IQCK: variants seen among roughly 807,000 people sequenced by gnomAD.
IQCK encodes the protein IQ motif containing K, also known as IQ domain-containing protein K.
IQCK carries 29 observed loss-of-function variants against 28.1 expected under a neutral mutation model. The observed-to-expected ratio is 1.03, with a 90% confidence interval of 0.77 to 1.41. The LOEUF is 1.41. Ranked by LOEUF, IQCK falls within the 40% of genes most tolerant of loss-of-function variation. The probability of loss-of-function intolerance (pLI) is 0.00; values close to 1 mark genes in which losing one functional copy is unlikely to be tolerated. For synonymous variants in IQCK, 113 were observed against 115.1 expected (o/e 0.98, Z 0.12); for missense variants, 359 against 314.7 (o/e 1.14, Z -1.07).
chr16:19,806,697 C>T (rs1166872618), intron 7 of IQCK, among the ~76,000 whole-genome samples: 1 of 116,862 alleles, frequency 8.6e-6, no homozygotes, highest in East Asian at 3.1e-4. Flanking sequence ...TCAAACCACT[C>T]CCCACCCCCC....
At chr16:19,753,318 C>A (rs2055011966) in intron 4 of IQCK, among the ~76,000 whole-genome samples, 1 of 151,986 alleles carries the variant, frequency 6.6e-6, no homozygotes, top group Admixed American at 6.6e-5. Flanking sequence ...CCTAGCTACT[C>A]AGGAAGCTGA....
At chr16:19,746,228 G>C (rs1488846449) in intron 4 of IQCK, among the ~76,000 whole-genome samples, 1 of 149,864 alleles carries the variant, frequency 6.7e-6, no homozygotes, top group East Asian at 2.0e-4. Flanking sequence ...GTACGTCGTA[G>C]ATATATATAT....
chr16:19,752,517 CCATT>C (rs1194106502), intron 4 of IQCK, among the ~76,000 whole-genome samples: 1 of 152,108 alleles, frequency 6.6e-6, no homozygotes, highest in Non-Finnish European at 1.5e-5. Context: ...GCAGAAAACC[CCATT>C]CAAACTGTCC....
chr16:19,827,561 C>T (rs12445679), downstream of IQCK, among the ~76,000 whole-genome samples: 6 of 152,048 alleles, frequency 3.9e-5, no homozygotes, highest in Non-Finnish European at 7.4e-5. Flanking sequence ...TCAACTTGAC[C>T]GGGCTGTGAG....
At chr16:19,815,230 G>C (rs921018583) in intron 7 of IQCK, among the ~76,000 whole-genome samples, 3 of 152,198 alleles carry the variant, frequency 2.0e-5, no homozygotes, top group Admixed American at 1.3e-4. Context: ...TGCTGCTCTA[G>C]AACACACTTC....
chr16:19,815,575 G>A lies in IQCK; in HGVS notation c.691-11451G>A, dbSNP rs1164776529. 3.3e-5 allele frequency among the ~76,000 whole-genome samples: 5 copies of A among 152,196 alleles called. No homozygotes were observed. The South Asian group carries it at 1.0e-3, about 31-fold the overall frequency. Reference sequence around the variant, plus strand: ...AGTACCAGCTAGATGGGAGGCTGAGGTGGGAGGATCCCTTGAGCCCGGGAG... The same window carrying A: ...AGTACCAGCTAGATGGGAGGCTGAGATGGGAGGATCCCTTGAGCCCGGGAG... On this transcript the variant is annotated intron_variant, in intron 7 of 7. Coordinates refer to ENST00000564186, the Ensembl canonical transcript of IQCK.
chr16:19,776,805 A>G (rs2055402505), intron 6 of IQCK, among the ~76,000 whole-genome samples: 1 of 152,192 alleles, frequency 6.6e-6, no homozygotes. Flanking sequence ...ACAGGGGTAG[A>G]TGATGTCATA....
At chr16:19,779,614 ACTCT>A (rs1258903630) in intron 6 of IQCK, among the ~76,000 whole-genome samples, 1 of 150,856 alleles carries the variant, frequency 6.6e-6, no homozygotes, top group African/African-American at 2.4e-5. Flanking sequence ...CTTTCTGGTC[ACTCT>A]CTCTTTTTAG....
chr16:19,768,802 A>G (rs1184685108), intron 6 of IQCK, among the ~76,000 whole-genome samples: 8 of 152,190 alleles, frequency 5.3e-5, no homozygotes, highest in African/African-American at 1.9e-4. Flanking sequence ...TGATCCTATG[A>G]TCTTGGGCAA....
chr16:19,827,612 G>C (rs1262175578), downstream of IQCK, among the ~76,000 whole-genome samples: 1 of 152,014 alleles, frequency 6.6e-6, no homozygotes, highest in Non-Finnish European at 1.5e-5. Flanking sequence ...GTCTGTCAAG[G>C]TGTTTCCAGA....
intron 7 of IQCK, among the ~76,000 whole-genome samples, chr16:19,810,036 A>G (rs2055882992): frequency 6.6e-6 from 1 of 152,178 alleles, no homozygotes; most frequent in Admixed American, 6.5e-5. Context: ...GGTACGACTC[A>G]GCCTTCAGTG....
intron 4 of IQCK, among the ~76,000 whole-genome samples, chr16:19,757,555 C>A (rs906273656): frequency 6.6e-6 from 1 of 152,142 alleles, no homozygotes; most frequent in South Asian, 2.1e-4. Flanking sequence ...TATGCCTACG[C>A]CTGTAATCCT....
chr16:19,809,556 G>A (rs2055876149), intron 7 of IQCK, among the ~76,000 whole-genome samples: 1 of 152,164 alleles, frequency 6.6e-6, no homozygotes, highest in African/African-American at 2.4e-5. Context: ...CAAGCCTTCT[G>A]GAAGTTGCAC....
At chr16:19,768,833 G>T (rs557180157) in intron 6 of IQCK, among the ~76,000 whole-genome samples, 1 of 152,166 alleles carries the variant, frequency 6.6e-6, no homozygotes, top group Non-Finnish European at 1.5e-5. Context: ...ATCTATTACT[G>T]TGTAACAAAT....
chr16:19,719,602 A>AG (rs1555513007), intron 1 of IQCK, among the ~76,000 whole-genome samples: 3 of 151,126 alleles, frequency 2.0e-5, no homozygotes, highest in African/African-American at 7.3e-5. Context: ...AAAAAAAAAA[A>AG]GTGTGGTTAG....
chr16:19,719,979 T>C (rs997253049), intron 1 of IQCK, among the ~76,000 whole-genome samples: 7 of 152,116 alleles, frequency 4.6e-5, no homozygotes, highest in Admixed American at 4.6e-4. Context: ...AGCCCAGACT[T>C]AATTTTAATA....
intron 6 of IQCK, among the ~76,000 whole-genome samples, chr16:19,769,073 T>TGGAGA (rs2055282430): frequency 1.3e-5 from 2 of 152,152 alleles, no homozygotes; most frequent in Admixed American, 1.3e-4. Context: ...CCTTAAGTTT[T>TGGAGA]CCCCATCTGG....
At chr16:19,766,130 G>A (rs964953935) in intron 6 of IQCK, 11 of 152,176 alleles carry the variant, frequency 7.2e-5, no homozygotes, top group Non-Finnish European at 1.5e-5. Context: ...TCAAAGAGAT[G>A]CCCAGATGCA....
intron 4 of IQCK, 93 bp from the exon 5 acceptor site, chr16:19,763,755 T>C (rs549942091): frequency 8.2e-6 from 8 of 979,530 alleles, no homozygotes; most frequent in Non-Finnish European, 1.3e-5. Flanking sequence ...TGTTAAGCTT[T>C]ATTGAAAAAA....
Sources: allele counts gnomAD v4.1 joint callset (sites outside exome capture counted in the v4.1 genomes callset), GRCh38; gene constraint gnomAD v4.1.1; transcripts MANE v1.5; gene names NCBI Gene and HGNC (gene_info 2026-07-23, HGNC 2026-07-21).